ZNF644: variants seen among roughly 807,000 people sequenced by gnomAD.
ZNF644 encodes the protein zinc finger protein 644, also known as zinc finger motif enhancer binding protein 2.
A neutral mutation model predicts 108.0 loss-of-function variants in ZNF644; 20 were observed. That is an observed-to-expected ratio of 0.19 (90% CI 0.13 to 0.27). The LOEUF is 0.27. Ranked by LOEUF, ZNF644 falls within the 10% of genes least tolerant of loss-of-function variation. The pLI is 1.00. For missense variants in ZNF644, 1,338 were observed against 1,548.9 expected (o/e 0.86, Z 2.29); for synonymous variants, 542 against 539.1 (o/e 1.01, Z -0.08).
chr1:90,990,508 T>C (rs913456788), intron 1 of ZNF644, among the ~76,000 whole-genome samples: 1 of 152,148 alleles, frequency 6.6e-6, no homozygotes, highest in Non-Finnish European at 1.5e-5. Context: ...GCAAACTTAC[T>C]GCCTGGAGAA....
chr1:91,010,068 T>A (rs757172870), intron 1 of ZNF644, among the ~76,000 whole-genome samples: 3 of 152,202 alleles, frequency 2.0e-5, no homozygotes, highest in Non-Finnish European at 2.9e-5. Flanking sequence ...TTTCTTCATG[T>A]AATTCTATTC....
chr1:90,993,614 T>G (rs561652153), intron 1 of ZNF644, among the ~76,000 whole-genome samples: 2 of 152,230 alleles, frequency 1.3e-5, no homozygotes, highest in Non-Finnish European at 2.9e-5. Context: ...TATTGACATT[T>G]GATTTAGGTC....
intron 5 of ZNF644, among the ~76,000 whole-genome samples, chr1:90,917,560 C>A (rs867967098): frequency 1.3e-5 from 2 of 152,088 alleles, no homozygotes; most frequent in Non-Finnish European, 2.9e-5. Flanking sequence ...TGCAGTGGCA[C>A]GATCTCGGCC....
At chr1:90,977,529 T>C (rs1656134166) in intron 2 of ZNF644, among the ~76,000 whole-genome samples, 1 of 152,208 alleles carries the variant, frequency 6.6e-6, no homozygotes, top group Non-Finnish European at 1.5e-5. Context: ...ACTCTCACAA[T>C]TTAAAAAATG....
chr1:91,016,833 A>C (rs1359770186), intron 1 of ZNF644, among the ~76,000 whole-genome samples: 2 of 152,054 alleles, frequency 1.3e-5, no homozygotes, highest in Non-Finnish European at 2.9e-5. Context: ...GAGTTTGAAC[A>C]AAGTCTTTTT....
At chr1:90,979,354 T>G (rs1394940767) in intron 2 of ZNF644, among the ~76,000 whole-genome samples, 1 of 152,094 alleles carries the variant, frequency 6.6e-6, no homozygotes, top group Middle Eastern at 3.2e-3. Flanking sequence ...ATGCCTGTAA[T>G]CCCAGCTACT....
At chr1:90,919,369 AT>A (rs1486452761) in intron 4 of ZNF644, among the ~76,000 whole-genome samples, 27 of 152,310 alleles carry the variant, frequency 1.8e-4, no homozygotes, top group African/African-American at 6.5e-4. Flanking sequence ...TGGCTGTTCA[AT>A]GACTCTGTGA....
chr1:91,005,630 T>C (rs983784429), intron 1 of ZNF644, among the ~76,000 whole-genome samples: 2 of 151,964 alleles, frequency 1.3e-5, no homozygotes, highest in Non-Finnish European at 2.9e-5. Flanking sequence ...CAGAAGGAAA[T>C]TGGTAAGTTA....
At chr1:90,945,449 T>A (rs1396125024) in intron 2 of ZNF644, among the ~76,000 whole-genome samples, 2 of 152,104 alleles carry the variant, frequency 1.3e-5, no homozygotes, top group African/African-American at 4.8e-5. Context: ...CTAAAAAAAT[T>A]GTACAAAGGT....
At chr1:91,000,503 A>T (rs1419222484) in intron 1 of ZNF644, among the ~76,000 whole-genome samples, 1 of 152,238 alleles carries the variant, frequency 6.6e-6, no homozygotes, top group Non-Finnish European at 1.5e-5. Flanking sequence ...GAATAAAGAC[A>T]CAACACACCA....
At chr1:90,953,013 GAA>G (rs371575306) in intron 2 of ZNF644, among the ~76,000 whole-genome samples, 47 of 94,180 alleles carry the variant, frequency 5.0e-4, no homozygotes, top group Admixed American at 2.2e-3. Context: ...TTAGACTGAG[GAA>G]AAAAAAAAAA....
intron 1 of ZNF644, among the ~76,000 whole-genome samples, chr1:90,991,473 G>T (rs927182870): frequency 2.0e-5 from 3 of 152,170 alleles, no homozygotes; most frequent in Non-Finnish European, 4.4e-5. Context: ...ATACAATGAT[G>T]TATTAGTCCA....
intron 2 of ZNF644, among the ~76,000 whole-genome samples, chr1:90,972,374 A>G (rs1402721087): frequency 1.3e-5 from 2 of 152,222 alleles, no homozygotes; most frequent in African/African-American, 2.4e-5. Flanking sequence ...AAGCATATGA[A>G]AAGATGCTCA....
intron 4 of ZNF644, among the ~76,000 whole-genome samples, chr1:90,934,890 G>T (rs1005344960): frequency 1.3e-5 from 2 of 151,928 alleles, no homozygotes; most frequent in African/African-American, 4.8e-5. Flanking sequence ...TCTAATAAAG[G>T]ATTTCCCCAA....
At chr1:90,983,262 G>C in intron 1 of ZNF644, among the ~76,000 whole-genome samples, 1 of 151,916 alleles carries the variant, frequency 6.6e-6, no homozygotes, top group South Asian at 2.1e-4. Flanking sequence ...TTTCTGCATC[G>C]TATCTAGAAA....
intron 2 of ZNF644, among the ~76,000 whole-genome samples, chr1:90,971,490 G>A (rs995512592): frequency 1.1e-4 from 17 of 151,988 alleles, no homozygotes; most frequent in Middle Eastern, 3.4e-3. Context: ...GCGTGATCTC[G>A]GCTCACTGCA....
chr1:90,934,692 C>CATAG (rs1252216714), intron 4 of ZNF644, among the ~76,000 whole-genome samples: 2 of 152,066 alleles, frequency 1.3e-5, no homozygotes, highest in East Asian at 3.8e-4. Context: ...CACTTATGTG[C>CATAG]ATAGCTAAAT....
chr1:90,942,200 T>C (rs762656305), intron 2 of ZNF644, among the ~76,000 whole-genome samples: 6 of 152,174 alleles, frequency 3.9e-5, no homozygotes, highest in African/African-American at 9.7e-5. Flanking sequence ...CATTTTACAA[T>C]AGAATAGCAT....
Position 90,939,419 on chromosome 1 carries a change from T to A in ZNF644, c.1935A>T (p.Lys645Asn). 6.2e-7 allele frequency: 1 copy of A among 1,613,960 alleles called. No homozygotes were observed. The highest frequency in any genetic ancestry group is 8.5e-7 in the Non-Finnish European group (1 of 1,179,924). The change falls in exon 3 of 6, where the codon AAA becomes AAT. Residue 645 changes from lysine to asparagine, a missense_variant. By Grantham distance (94) the Lys-to-Asn change is moderately conservative (BLOSUM62 0). Around this residue, in one of 6 missense-constraint regions of ZNF644, gnomAD observed 462 missense variants for 472.6 expected, o/e 0.98. Coordinates refer to ENST00000337393, the MANE Select transcript of ZNF644 (RefSeq NM_201269.3). ...TCTTTGGAAATGTGGTTGACTGTTG[T>A]TTAGTTAATGTTTTAGTGCTATCAC... ...VDSDSTKTLT[K>N]QQSTTFPKNS... is the part of the protein sequence containing the mutation.
Sources: gnomAD v4.1 joint callset for allele counts (sites outside exome capture counted in the v4.1 genomes callset) on GRCh38, gnomAD v4.1.1 for gene constraint, gnomAD v4.1.1 regional missense constraint, MANE v1.5 for transcripts, NCBI Gene and HGNC (gene_info 2026-07-23, HGNC 2026-07-21) for gene names.